Variants in LUZP2 observed in about 807,000 individuals in gnomAD.
The protein encoded by LUZP2 is leucine zipper protein 2.
Under a neutral mutation model 51.6 loss-of-function variants are expected in LUZP2, and 52 were observed. The observed-to-expected ratio is 1.01, with a 90% CI of 0.81 to 1.27. The LOEUF (loss-of-function observed/expected upper bound fraction) is 1.27, where lower values mean the gene tolerates loss of function less well. LUZP2 is among the 50% of genes most tolerant of loss of function. LUZP2 has a pLI of 0.00. For missense variants in LUZP2, 436 were observed against 395.4 expected, an observed-to-expected ratio of 1.10 and a Z score of -0.87; for synonymous variants, 154 against 137.3, an observed-to-expected ratio of 1.12 and a Z score of -0.85.
intron 1 of LUZP2, among the ~76,000 whole-genome samples, chr11:24,595,181 GA>G (rs34188144): frequency 4.2e-5 from 6 of 143,996 alleles, no homozygotes; most frequent in Non-Finnish European, 6.0e-5. Context: ...ATTAGATTCT[GA>G]AAAAAAAAAA....
chr11:25,003,379 A>G (rs1156258532), intron 9 of LUZP2, among the ~76,000 whole-genome samples: 1 of 152,180 alleles, frequency 6.6e-6, no homozygotes, highest in African/African-American at 2.4e-5. Context: ...GTGCAGGCGA[A>G]TACAGAAGAA....
chr11:24,816,345 G>A (rs17307173), intron 5 of LUZP2, among the ~76,000 whole-genome samples: 25,151 of 151,680 alleles, frequency 0.17, 2,265 homozygotes, highest in Middle Eastern at 0.26. Flanking sequence ...TAAAAGTTTA[G>A]ATTATAGCAA....
At chr11:24,610,880 G>A (rs1854095222) in intron 1 of LUZP2, among the ~76,000 whole-genome samples, 1 of 152,114 alleles carries the variant, frequency 6.6e-6, no homozygotes, top group Admixed American at 6.5e-5. Context: ...AGGAGGCGAA[G>A]GTTGCAGTGA....
chr11:24,624,437 G>A (rs1854609048), intron 1 of LUZP2, among the ~76,000 whole-genome samples: 1 of 151,988 alleles, frequency 6.6e-6, no homozygotes, highest in Admixed American at 6.6e-5. Context: ...TTAAACATTT[G>A]TTTATGTCTA....
At chr11:24,661,571 T>C (rs4465366) in intron 1 of LUZP2, among the ~76,000 whole-genome samples, 85,642 of 152,018 alleles carry the variant, frequency 0.56, 24,650 homozygotes, top group African/African-American at 0.66. Context: ...AGCAGCACAG[T>C]TGTAATTTTC....
chr11:25,044,619 A>C (rs142120671), intron 9 of LUZP2, among the ~76,000 whole-genome samples: 1 of 152,126 alleles, frequency 6.6e-6, no homozygotes, highest in African/African-American at 2.4e-5. Context: ...GTGGGACTGT[A>C]AACTAGTTCA....
chr11:25,078,100 GA>G (rs1250446588), intron 11 of LUZP2, among the ~76,000 whole-genome samples: 1 of 152,124 alleles, frequency 6.6e-6, no homozygotes, highest in East Asian at 1.9e-4. Flanking sequence ...CAGAGGAGGT[GA>G]AAAGAAGTAC....
chr11:25,066,955 C>T (rs1859012687), intron 10 of LUZP2, among the ~76,000 whole-genome samples: 3 of 151,968 alleles, frequency 2.0e-5, no homozygotes, highest in African/African-American at 2.4e-5. Flanking sequence ...TGAGTTGAGA[C>T]ATTGAACCTA....
At chr11:24,548,108 T>C (rs1311979440) in intron 1 of LUZP2, among the ~76,000 whole-genome samples, 1 of 152,104 alleles carries the variant, frequency 6.6e-6, no homozygotes, top group Non-Finnish European at 1.5e-5. Flanking sequence ...GGTGGAAATG[T>C]AAATTAGTTC....
intron 1 of LUZP2, among the ~76,000 whole-genome samples, chr11:24,705,548 G>A (rs1474580883): frequency 6.6e-6 from 1 of 152,146 alleles, no homozygotes; most frequent in Non-Finnish European, 1.5e-5. Context: ...AAGCAGCTGT[G>A]CCTGTTGAAA....
intron 6 of LUZP2, among the ~76,000 whole-genome samples, chr11:24,907,860 A>C (rs2133791023): frequency 6.6e-6 from 1 of 152,294 alleles, no homozygotes; most frequent in East Asian, 1.9e-4. Flanking sequence ...GAATTGTTAG[A>C]TACTTCATGT....
Position 24,895,161 on chromosome 11 carries a change from A to C in LUZP2, c.397-10830A>C, listed in dbSNP as rs12420376. 6.5e-3 allele frequency among the ~76,000 whole-genome samples: 988 copies of C among 152,282 alleles called. 47 individuals are homozygous for C. Among genetic ancestry groups the C allele is most frequent in the Admixed American group, 0.059 (897 of 15,284 alleles). ...ATAAGATTCTCACCATATTTTAGGAAGTTTAGGAAGTTTACCCTGAAACAA... is the reference window on the plus strand; with the variant it reads ...ATAAGATTCTCACCATATTTTAGGACGTTTAGGAAGTTTACCCTGAAACAA... On this transcript the variant is annotated intron_variant, in intron 5 of 11. Coordinates refer to ENST00000336930, the MANE Select transcript of LUZP2 (RefSeq NM_001009909.4).
At chr11:24,706,628 A>G (rs1420494587) in intron 1 of LUZP2, among the ~76,000 whole-genome samples, 1 of 152,168 alleles carries the variant, frequency 6.6e-6, no homozygotes, top group East Asian at 1.9e-4. Flanking sequence ...TTGATGGATA[A>G]TGATGAGGGT....
At chr11:25,052,943 G>A (rs1006796215) in intron 10 of LUZP2, among the ~76,000 whole-genome samples, 2 of 151,990 alleles carry the variant, frequency 1.3e-5, no homozygotes, top group African/African-American at 4.8e-5. Flanking sequence ...GTTTTACTTT[G>A]TTTTTAATGT....
At chr11:24,758,427 A>G (rs1859853594) in intron 4 of LUZP2, among the ~76,000 whole-genome samples, 1 of 151,964 alleles carries the variant, frequency 6.6e-6, no homozygotes, top group South Asian at 2.1e-4. Context: ...GGGAAAGATT[A>G]ATATCACTGG....
intron 1 of LUZP2, among the ~76,000 whole-genome samples, chr11:24,628,087 G>A (rs1014395650): frequency 3.1e-4 from 47 of 152,100 alleles, no homozygotes; most frequent in African/African-American, 1.1e-3. Context: ...ATATTCTCTG[G>A]AAGGAGCAGG....
chr11:24,947,047 G>T (rs191357612), intron 7 of LUZP2, among the ~76,000 whole-genome samples: 1 of 151,952 alleles, frequency 6.6e-6, no homozygotes, highest in Non-Finnish European at 1.5e-5. Context: ...CCAAAAATCC[G>T]CATATAACTT....
intron 7 of LUZP2, among the ~76,000 whole-genome samples, chr11:24,962,693 C>A (rs561985636): frequency 6.5e-4 from 99 of 152,232 alleles, no homozygotes; most frequent in Admixed American, 1.2e-3. Context: ...TTTTTAACTT[C>A]TTTGCCTTTG....
chr11:24,608,100 C>G (rs559910833), intron 1 of LUZP2, among the ~76,000 whole-genome samples: 1 of 152,134 alleles, frequency 6.6e-6, no homozygotes, highest in Non-Finnish European at 1.5e-5. Flanking sequence ...CCGCCCACCT[C>G]GGCCTCCTAA....
Sources: allele counts gnomAD v4.1 joint callset (sites outside exome capture counted in the v4.1 genomes callset), GRCh38; gene constraint gnomAD v4.1.1; transcripts MANE v1.5; gene names NCBI Gene and HGNC (gene_info 2026-07-23, HGNC 2026-07-21).